PCDHGB4: variants seen among roughly 807,000 people sequenced by gnomAD.
The protein encoded by PCDHGB4 is protocadherin gamma-B4.
In PCDHGB4, 38 loss-of-function variants were observed where a neutral mutation model predicts 60.5. The ratio of observed to expected loss-of-function variants is 0.63; its 90% CI spans 0.48 to 0.82. The LOEUF (loss-of-function observed/expected upper bound fraction) is 0.82. Among genes scored for constraint, PCDHGB4 ranks in the 40% least tolerant of loss-of-function variants. The pLI is 0.00. For synonymous variants in PCDHGB4, 456 were observed against 509.7 expected, an observed-to-expected ratio of 0.89 and a Z score of 1.42; for missense variants, 1,109 against 1,209.6, an observed-to-expected ratio of 0.92 and a Z score of 1.23.
At chr5:141,409,571 T>A in intron 1 of PCDHGB4, 2 of 1,613,932 alleles carry the variant, frequency 1.2e-6, no homozygotes, top group Non-Finnish European at 1.7e-6. Context: ...CCAGACGTCC[T>A]ACGTGGTCCA....
At chr5:141,473,283 A>G (rs2099318531) in intron 1 of PCDHGB4, among the ~76,000 whole-genome samples, 1 of 152,324 alleles carries the variant, frequency 6.6e-6, no homozygotes, top group Non-Finnish European at 1.5e-5. Flanking sequence ...TTATTTTACT[A>G]TGTCAGTAGC....
At chr5:141,433,765 A>G (rs1389737053) in intron 1 of PCDHGB4, among the ~76,000 whole-genome samples, 1 of 148,692 alleles carries the variant, frequency 6.7e-6, no homozygotes, top group Non-Finnish European at 1.5e-5. Flanking sequence ...TTAACCTGGG[A>G]GGTGGAGGTT....
intron 1 of PCDHGB4, chr5:141,413,899 A>G: frequency 1.2e-6 from 2 of 1,613,286 alleles, no homozygotes; most frequent in Non-Finnish European, 1.7e-6. Context: ...TGCAAATGAC[A>G]ACGCGCCGGT....
At chr5:141,439,266 G>A (rs1314903524) in intron 1 of PCDHGB4, among the ~76,000 whole-genome samples, 1 of 151,952 alleles carries the variant, frequency 6.6e-6, no homozygotes, top group Non-Finnish European at 1.5e-5. Context: ...TCAGCCAACA[G>A]TTCATTCTGA....
intron 1 of PCDHGB4, among the ~76,000 whole-genome samples, chr5:141,402,245 A>G (rs1196349685): frequency 6.6e-6 from 1 of 152,078 alleles, no homozygotes; most frequent in East Asian, 1.9e-4. Flanking sequence ...TTTATCATCA[A>G]AATAAACCCC....
intron 1 of PCDHGB4, 96 bp from the exon 2 acceptor site, chr5:141,494,711 A>G (rs757105958): frequency 6.3e-7 from 1 of 1,599,616 alleles, no homozygotes; most frequent in Non-Finnish European, 8.5e-7. Flanking sequence ...CTCTGTGCCC[A>G]CTCCCCTCCT....
rs143138320 is a variant in PCDHGB4 at position 141,489,458 on chromosome 5, G to C, written c.2398-5349G>C. The stretch of plus-strand genomic sequence containing the variant: ...CAATTGGGCTCTGAGGAGAATGGGC[G>C]CTATTTTTCCCTGAGCTTGATGAGT... On this transcript the variant is annotated intron_variant, in intron 1 of 3. Coordinates refer to ENST00000519479, the MANE Select transcript of PCDHGB4 (RefSeq NM_003736.4). The surrounding 1 kb of genome is among the most constrained non-coding windows in gnomAD (Gnocchi z 4.5). 3.7e-6 allele frequency: 6 copies of C among 1,613,924 alleles called. No individual in the cohort carries two copies. The highest frequency in any genetic ancestry group is 5.1e-6 in the Non-Finnish European group (6 of 1,180,000).
chr5:141,430,673 C>A, intron 1 of PCDHGB4: 1 of 1,288,318 alleles, frequency 7.8e-7, no homozygotes, highest in Non-Finnish European at 1.0e-6. Flanking sequence ...TCTGACTTCC[C>A]AACTGTCCCA....
At chr5:141,484,795 C>G (rs1265916821) in intron 1 of PCDHGB4, among the ~76,000 whole-genome samples, 1 of 151,902 alleles carries the variant, frequency 6.6e-6, no homozygotes, top group Middle Eastern at 3.4e-3. Flanking sequence ...AGATAACAAC[C>G]CGTGGAAAAA....
rs529966095 is a variant in PCDHGB4 at position 141,499,776 on chromosome 5, TC to T, written c.2456+4914del. 3.7e-3 allele frequency among the ~76,000 whole-genome samples: 528 copies of T among 141,410 alleles called. 6 individuals carry two copies. Among genetic ancestry groups the T allele is most frequent in the Non-Finnish European group, 4.2e-3 (282 of 66,550 alleles). The allele number at this position is 141,410 out of a possible 152,430, so 92.8% of individuals were successfully genotyped here. ...ATCTCAGCTCACTGCAGCCTTCGCCTCCCGGGTTCAAGCAATTCTCATGCTT... is the reference window on the plus strand; with the variant it reads ...ATCTCAGCTCACTGCAGCCTTCGCCTCCGGGTTCAAGCAATTCTCATGCTT... On this transcript the variant is annotated intron_variant, in intron 2 of 3. Coordinates refer to ENST00000519479, the MANE Select transcript of PCDHGB4 (RefSeq NM_003736.4).
chr5:141,409,275 A>G (rs1266955919), intron 1 of PCDHGB4: 1 of 1,614,020 alleles, frequency 6.2e-7, no homozygotes, highest in South Asian at 1.1e-5. Flanking sequence ...CAGATTTTGG[A>G]GAATTCACCT....
rs377547144 is a variant in PCDHGB4, at chr5:141,409,030, G to A, written c.2397+18749G>A. The stretch of plus-strand genomic sequence containing the variant: ...ACCAGGATGAGGGGGTCAATGCTGA[G>A]ATAAACTACTACTTCCGAAGCACTG... On this transcript the variant is annotated intron_variant, in intron 1 of 3. Transcript: ENST00000519479. 9.9e-6 allele frequency: 16 copies of A among 1,613,892 alleles called. No homozygotes were observed. The African/African-American group carries it at 2.0e-4, about 20-fold the overall frequency.
At chr5:141,483,919 G>T (rs912152955) in intron 1 of PCDHGB4, among the ~76,000 whole-genome samples, 2 of 151,008 alleles carry the variant, frequency 1.3e-5, no homozygotes, top group South Asian at 2.1e-4. Flanking sequence ...CACTCAGATT[G>T]CAGGTCGTAG....
At chr5:141,495,814 T>C (rs2099764028) in intron 2 of PCDHGB4, among the ~76,000 whole-genome samples, 1 of 152,134 alleles carries the variant, frequency 6.6e-6, no homozygotes, top group Non-Finnish European at 1.5e-5. Context: ...TCCTAGCGCC[T>C]TGTGTTCTTC....
chr5:141,414,792 C>T (rs2095788725), intron 1 of PCDHGB4: 6 of 1,614,230 alleles, frequency 3.7e-6, no homozygotes, highest in African/African-American at 2.7e-5. Flanking sequence ...TGACAGCCAG[C>T]GACAGCGGGG....
chr5:141,393,620 G>T (rs1335715353), intron 1 of PCDHGB4: 1 of 1,613,908 alleles, frequency 6.2e-7, no homozygotes, highest in Non-Finnish European at 8.5e-7. Flanking sequence ...CCAGCGACCC[G>T]GATGAGGGAA....
At chr5:141,410,117 C>T (rs768592770) in intron 1 of PCDHGB4, 6 of 1,612,766 alleles carry the variant, frequency 3.7e-6, no homozygotes, top group Admixed American at 3.3e-5. Context: ...GGACGCAGCC[C>T]GCCAGCGCCT....
In PCDHGB4 at chr5:141,489,449, A is replaced by G; in HGVS notation, c.2398-5358A>G. The G allele has an allele frequency of 6.2e-7, 1 of 1,614,056 alleles. No homozygotes were observed. Among genetic ancestry groups the G allele is most frequent in the Non-Finnish European group, 8.5e-7 (1 of 1,180,016 alleles). On this transcript the variant is annotated intron_variant, in intron 1 of 3. Coordinates refer to ENST00000519479, the MANE Select transcript of PCDHGB4 (RefSeq NM_003736.4). This position sits in a 1 kb window ranked among gnomAD's most constrained non-coding sequence, Gnocchi z 4.5. ...CGGCGGCTGCAATTGGGCTCTGAGG[A>G]GAATGGGCGCTATTTTTCCCTGAGC...
chr5:141,418,804 T>A, intron 1 of PCDHGB4: 2 of 1,613,836 alleles, frequency 1.2e-6, no homozygotes, highest in Non-Finnish European at 1.7e-6. Flanking sequence ...TAGAAAGATA[T>A]ACGATAAACA....
Sources: allele counts gnomAD v4.1 joint callset (sites outside exome capture counted in the v4.1 genomes callset), GRCh38; gene constraint gnomAD v4.1.1; non-coding constraint Gnocchi (gnomAD v3.1); transcripts MANE v1.5; gene names NCBI Gene and HGNC (gene_info 2026-07-23, HGNC 2026-07-21).